The following AGBL1 variants were observed in gnomAD, a reference collection of about 807,000 sequenced individuals.
The protein encoded by AGBL1 is cytosolic carboxypeptidase 4.
In AGBL1, 130 loss-of-function variants were observed where a neutral mutation model predicts 118.9. The ratio of observed to expected loss-of-function variants is 1.09; its 90% CI spans 0.95 to 1.26. AGBL1 has a LOEUF of 1.26. AGBL1 is among the 50% of genes most tolerant of loss of function. The probability of loss-of-function intolerance (pLI) is 0.00; values close to 1 mark genes in which losing one functional copy is unlikely to be tolerated. For missense variants in AGBL1, 1,584 were observed against 1,298.1 expected, an observed-to-expected ratio of 1.22 and a Z score of -3.38; for synonymous variants, 555 against 478.9, an observed-to-expected ratio of 1.16 and a Z score of -2.08.
chr15:86,655,335 A>T (rs748022942), intron 21 of AGBL1, among the ~76,000 whole-genome samples: 1 of 152,212 alleles, frequency 6.6e-6, no homozygotes, highest in African/African-American at 2.4e-5. Context: ...AAACTGAACT[A>T]GCCAATTGAC....
At chr15:86,234,087 C>G (rs961948782) in intron 6 of AGBL1, among the ~76,000 whole-genome samples, 1 of 152,138 alleles carries the variant, frequency 6.6e-6, no homozygotes, top group Non-Finnish European at 1.5e-5. Context: ...TCAGGAGATC[C>G]TGTCAAGACT....
At chr15:86,998,813 C>A (rs77422661) in intron 24 of AGBL1, among the ~76,000 whole-genome samples, 5,657 of 152,040 alleles carry the variant, frequency 0.037, 349 homozygotes, top group African/African-American at 0.13. Flanking sequence ...GCTCAACCTG[C>A]CCAAGGTGAC....
At position 86,827,365 on chromosome 15, in the gene AGBL1, G is replaced by A. The variant is rs368101548; in HGVS notation, c.3159-79722G>A. On this transcript the variant is annotated intron_variant, in intron 22 of 22. Coordinates refer to ENST00000614907, the MANE Select transcript of AGBL1 (RefSeq NM_001386094.1). ...TGTATATATATATATATATATATGT[G>A]TGTGTATATATATATATACACATAT... is the stretch of plus-strand genomic sequence containing the variant. 5.5e-4 allele frequency among the ~76,000 whole-genome samples: 2 copies of A among 3,660 alleles called. 1 individual carries two copies. The highest frequency in any genetic ancestry group is 7.9e-4 in the Non-Finnish European group (2 of 2,530). 2.4% of individuals were successfully genotyped at this position (3,660 alleles called of 152,430 possible). A position where few individuals can be genotyped will look rare whatever the true frequency, so the allele number is the denominator to read the frequency against.
chr15:86,301,445 T>TAA (rs201370961), intron 17 of AGBL1, among the ~76,000 whole-genome samples: 10 of 148,066 alleles, frequency 6.8e-5, no homozygotes, highest in South Asian at 2.1e-4. Flanking sequence ...ATAGTACAGC[T>TAA]AAAAAAAAAA....
chr15:86,270,953 C>G (rs941534579), intron 14 of AGBL1, among the ~76,000 whole-genome samples: 3 of 151,810 alleles, frequency 2.0e-5, no homozygotes, highest in Non-Finnish European at 4.4e-5. Flanking sequence ...GAGTAGCATT[C>G]TCTGCATTCC....
At chr15:86,859,688 G>A (rs751058503) in intron 22 of AGBL1, among the ~76,000 whole-genome samples, 6 of 152,142 alleles carry the variant, frequency 3.9e-5, no homozygotes, top group Non-Finnish European at 7.3e-5. Context: ...TGGACGAGTC[G>A]CCTTAGAAAT....
At chr15:86,255,080 A>G (rs2078873449) in intron 7 of AGBL1, among the ~76,000 whole-genome samples, 1 of 152,332 alleles carries the variant, frequency 6.6e-6, no homozygotes, top group South Asian at 2.1e-4. Context: ...TTTATTATCA[A>G]AGACCATCAC....
chr15:86,856,168 T>G (rs895746776), intron 22 of AGBL1, among the ~76,000 whole-genome samples: 5 of 152,156 alleles, frequency 3.3e-5, no homozygotes, highest in Non-Finnish European at 5.9e-5. Context: ...GGCTATGTCT[T>G]TGTCCTCCTC....
At chr15:86,804,373 CAG>C (rs1256458583) in intron 22 of AGBL1, among the ~76,000 whole-genome samples, 1 of 152,078 alleles carries the variant, frequency 6.6e-6, no homozygotes, top group Non-Finnish European at 1.5e-5. Context: ...TGGTTAATGA[CAG>C]AATCAGAACT....
intron 6 of AGBL1, among the ~76,000 whole-genome samples, chr15:86,236,932 C>A (rs1232102054): frequency 1.1e-4 from 1 of 9,386 alleles, no homozygotes; most frequent in African/African-American, 4.4e-4. Flanking sequence ...GATATGTGGG[C>A]GGGGGGGGGC....
rs182949006 is a variant in AGBL1 at position 86,566,215 on chromosome 15, A to G, written c.2994+11678A>G. Among the ~76,000 whole-genome samples, 504 of 152,322 alleles carry G rather than the reference A, an allele frequency of 3.3e-3. 1 individual carries two copies. The highest frequency in any genetic ancestry group is 6.8e-3 in the Middle Eastern group (2 of 294). The stretch of plus-strand genomic sequence containing the variant: ...AATGCATACATCACCCGTCTTCTGC[A>G]TCAGTCACACTGGGAGCTGTAGACT... On this transcript the variant is annotated intron_variant, in intron 21 of 22. Coordinates refer to ENST00000614907, the MANE Select transcript of AGBL1 (RefSeq NM_001386094.1).
intron 5 of AGBL1, among the ~76,000 whole-genome samples, chr15:86,175,069 A>G (rs1423295969): frequency 6.6e-6 from 1 of 152,096 alleles, no homozygotes. Flanking sequence ...GAGTAATTCT[A>G]GAAAAATTGG....
chr15:86,338,591 C>A (rs1260410416), intron 17 of AGBL1, among the ~76,000 whole-genome samples: 2 of 152,090 alleles, frequency 1.3e-5, no homozygotes, highest in African/African-American at 4.8e-5. Flanking sequence ...TTGAACAGAA[C>A]CACAAAGGTA....
At chr15:87,026,624 G>T (rs73450865) in intron 24 of AGBL1, among the ~76,000 whole-genome samples, 2 of 152,072 alleles carry the variant, frequency 1.3e-5, no homozygotes, top group African/African-American at 2.4e-5. Context: ...GCTATCATTT[G>T]ATCCAGCAAT....
chr15:86,661,219 T>C (rs577939067), intron 21 of AGBL1, among the ~76,000 whole-genome samples: 2 of 152,232 alleles, frequency 1.3e-5, no homozygotes, highest in South Asian at 2.1e-4. Flanking sequence ...TCATTGGGGA[T>C]TGACATTTCT....
At chr15:86,234,880 G>A (rs1238949705) in intron 6 of AGBL1, among the ~76,000 whole-genome samples, 1 of 152,158 alleles carries the variant, frequency 6.6e-6, no homozygotes, top group Non-Finnish European at 1.5e-5. Flanking sequence ...TGATATAAGG[G>A]CATAAAGCCT....
intron 16 of AGBL1, among the ~76,000 whole-genome samples, chr15:86,285,764 C>A (rs2079433812): frequency 6.6e-6 from 1 of 152,082 alleles, no homozygotes; most frequent in South Asian, 2.1e-4. Context: ...ATAATAATAA[C>A]AAATTAAAAG....
At chr15:86,328,167 T>C (rs1185272104) in intron 17 of AGBL1, among the ~76,000 whole-genome samples, 1 of 152,220 alleles carries the variant, frequency 6.6e-6, no homozygotes, top group African/African-American at 2.4e-5. Flanking sequence ...CCCCCAACTA[T>C]AAAACTTCCA....
intron 17 of AGBL1, among the ~76,000 whole-genome samples, chr15:86,338,625 C>G (rs912094754): frequency 2.6e-5 from 4 of 152,022 alleles, no homozygotes; most frequent in African/African-American, 9.7e-5. Context: ...ATTTTGGACC[C>G]ATTTTGAAGG....
Sources: allele counts gnomAD v4.1 joint callset (sites outside exome capture counted in the v4.1 genomes callset), GRCh38; gene constraint gnomAD v4.1.1; transcripts MANE v1.5; gene names NCBI Gene and HGNC (gene_info 2026-07-23, HGNC 2026-07-21).